TAS2R1: variants seen among roughly 807,000 people sequenced by gnomAD.
TAS2R1 encodes the protein taste 2 receptor member 1.
For synonymous variants in TAS2R1, 141 were observed against 134.2 expected (o/e 1.05, Z -0.35); for missense variants, 370 against 353.4 (o/e 1.05, Z -0.38).
chr5:9,774,243 T>C, the TAS2R1 span, among the ~76,000 whole-genome samples: 2 of 152,210 alleles, frequency 1.3e-5, no homozygotes, highest in Admixed American at 1.3e-4. Flanking sequence ...ATTGCAATTT[T>C]CAACTCCAGA....
At chr5:9,901,165 T>G in the TAS2R1 span, among the ~76,000 whole-genome samples, 3 of 150,090 alleles carry the variant, frequency 2.0e-5, no homozygotes, top group Non-Finnish European at 3.0e-5. Context: ...GATCCTGAAC[T>G]TGACTTAAAC....
chr5:9,725,394 G>A, the TAS2R1 span, among the ~76,000 whole-genome samples: 16 of 152,204 alleles, frequency 1.1e-4, no homozygotes, highest in Admixed American at 7.2e-4. Context: ...GGCAGGCCCC[G>A]CACTTGGAGC....
chr5:9,705,785 C>G (rs1326212525), intron 1 of TAS2R1, among the ~76,000 whole-genome samples: 1 of 152,148 alleles, frequency 6.6e-6, no homozygotes, highest in Admixed American at 6.5e-5. Context: ...TTGCTTGAAC[C>G]TGGGAGGTAG....
At chr5:9,693,039 T>C (rs1422364339) in intron 1 of TAS2R1, among the ~76,000 whole-genome samples, 1 of 152,056 alleles carries the variant, frequency 6.6e-6, no homozygotes, top group African/African-American at 2.4e-5. Context: ...AAGAAGAGCT[T>C]TCAAGGGCTA....
chr5:9,730,583 T>C, the TAS2R1 span, among the ~76,000 whole-genome samples: 1 of 152,322 alleles, frequency 6.6e-6, no homozygotes, highest in African/African-American at 2.4e-5. Context: ...CAGTAGGATG[T>C]GTGGCTTTTG....
chr5:9,838,047 T>A, the TAS2R1 span, among the ~76,000 whole-genome samples: 1 of 152,136 alleles, frequency 6.6e-6, no homozygotes, highest in African/African-American at 2.4e-5. Context: ...ATGGTGAGCA[T>A]CTCTGTCAAG....
the TAS2R1 span, among the ~76,000 whole-genome samples, chr5:9,887,439 C>T: frequency 6.6e-6 from 1 of 152,172 alleles, no homozygotes; most frequent in Admixed American, 6.5e-5. Flanking sequence ...TCAGCACTCT[C>T]ATCAAGCAGA....
chr5:9,714,773 C>G (rs1044247718), upstream of TAS2R1, among the ~76,000 whole-genome samples: 1 of 152,244 alleles, frequency 6.6e-6, no homozygotes, highest in Non-Finnish European at 1.5e-5. Flanking sequence ...GTGCTGAACA[C>G]ATTTCCCAGC....
chr5:9,704,145 C>T (rs1379055716), intron 1 of TAS2R1, among the ~76,000 whole-genome samples: 1 of 152,032 alleles, frequency 6.6e-6, no homozygotes, highest in Non-Finnish European at 1.5e-5. Context: ...GCAGCGATTC[C>T]CCTATCACTA....
chr5:9,825,773 G>C, the TAS2R1 span, among the ~76,000 whole-genome samples: 1 of 152,232 alleles, frequency 6.6e-6, no homozygotes, highest in Non-Finnish European at 1.5e-5. Context: ...TAGCTGTCAC[G>C]CTCAAATTGT....
At chr5:9,788,201 T>G in the TAS2R1 span, among the ~76,000 whole-genome samples, 1 of 152,240 alleles carries the variant, frequency 6.6e-6, no homozygotes, top group Non-Finnish European at 1.5e-5. Context: ...ATATGTGTGT[T>G]CAATCCAAAT....
chr5:9,900,644 G>T, the TAS2R1 span, among the ~76,000 whole-genome samples: 35 of 114,710 alleles, frequency 3.1e-4, no homozygotes, highest in South Asian at 9.2e-3. Flanking sequence ...TTTTTTAGAC[G>T]GAGTCTGGCT....
the TAS2R1 span, among the ~76,000 whole-genome samples, chr5:9,808,677 G>C: frequency 1.3e-5 from 2 of 152,102 alleles, no homozygotes; most frequent in East Asian, 1.9e-4. Context: ...AAATGAGACA[G>C]AATGAAGGCT....
intron 1 of TAS2R1, among the ~76,000 whole-genome samples, chr5:9,668,829 A>G (rs35746377): frequency 6.6e-6 from 1 of 151,996 alleles, no homozygotes; most frequent in Admixed American, 6.6e-5. Flanking sequence ...AAAGACCATC[A>G]GCACTATTAA....
the TAS2R1 span, among the ~76,000 whole-genome samples, chr5:9,861,141 T>C: frequency 2.0e-5 from 3 of 150,424 alleles, no homozygotes; most frequent in African/African-American, 4.9e-5. Context: ...ATTTTTAAAA[T>C]TCACACTTCC....
At chr5:9,902,203 A>G in the TAS2R1 span, among the ~76,000 whole-genome samples, 1 of 152,062 alleles carries the variant, frequency 6.6e-6, no homozygotes, top group African/African-American at 2.4e-5. Flanking sequence ...AGGTTATAAA[A>G]TCTTTATTAC....
At chr5:9,640,373 A>G (rs1020176131) in intron 2 of TAS2R1, among the ~76,000 whole-genome samples, 1 of 152,052 alleles carries the variant, frequency 6.6e-6, no homozygotes, top group African/African-American at 2.4e-5. Context: ...AAATAATAAA[A>G]AAAGCTTTCA....
intron 1 of TAS2R1, among the ~76,000 whole-genome samples, chr5:9,683,764 A>T (rs1488507780): frequency 1.3e-5 from 2 of 152,178 alleles, no homozygotes; most frequent in African/African-American, 4.8e-5. Context: ...ATGGGCTTCT[A>T]TGAGCTGGAA....
chr5:9,724,344 C>CTTTTTTTTTTTTTTTTTTT, the TAS2R1 span, among the ~76,000 whole-genome samples: 1 of 124,668 alleles, frequency 8.0e-6, no homozygotes, highest in Middle Eastern at 4.2e-3. Flanking sequence ...ATGTTTCTTT[C>CTTTTTTTTTTTTTTTTTTT]TTTTTTTTTT....
Sources: allele counts gnomAD v4.1 joint callset (sites outside exome capture counted in the v4.1 genomes callset), GRCh38; gene constraint gnomAD v4.1.1; transcripts MANE v1.5; gene names NCBI Gene and HGNC (gene_info 2026-07-23, HGNC 2026-07-21).